FAR1: variants seen among roughly 807,000 people sequenced by gnomAD.
FAR1 encodes the protein male sterility domain-containing protein 2.
Under a neutral mutation model 61.1 loss-of-function variants are expected in FAR1, and 22 were observed. That is an observed-to-expected ratio of 0.36 (90% confidence interval 0.26 to 0.51). FAR1 has a LOEUF of 0.51. Ranked by LOEUF, FAR1 falls within the 20% of genes least tolerant of loss-of-function variation. FAR1 has a pLI of 0.95. For missense variants in FAR1, 359 were observed against 626.9 expected, an observed-to-expected ratio of 0.57 and a Z score of 4.56; for synonymous variants, 206 against 209.7, an observed-to-expected ratio of 0.98 and a Z score of 0.15.
chr11:13,670,847 A>G (rs550392269), intron 1 of FAR1, among the ~76,000 whole-genome samples: 4 of 152,250 alleles, frequency 2.6e-5, no homozygotes, highest in African/African-American at 9.6e-5. Context: ...GAGAAGAGGT[A>G]GTAGAAAAGA....
intron 3 of FAR1, among the ~76,000 whole-genome samples, chr11:13,707,124 T>C (rs1353224082): frequency 1.3e-5 from 2 of 152,214 alleles, no homozygotes; most frequent in African/African-American, 4.8e-5. Context: ...AATACTTACT[T>C]TATTGAGTCA....
At chr11:13,713,737 A>T (rs1848526131) in intron 8 of FAR1, among the ~76,000 whole-genome samples, 1 of 152,110 alleles carries the variant, frequency 6.6e-6, no homozygotes, top group Non-Finnish European at 1.5e-5. Flanking sequence ...ATTTTTTATG[A>T]CATTTGTCCT....
At chr11:13,691,943 G>A (rs1848254743) in intron 1 of FAR1, among the ~76,000 whole-genome samples, 2 of 152,116 alleles carry the variant, frequency 1.3e-5, no homozygotes, top group Admixed American at 6.5e-5. Flanking sequence ...CAAAGTGGGT[G>A]GATCACTTGA....
rs148702776 is a variant in FAR1, at chr11:13,682,875, G to A, written c.-7-11884G>A. Among the ~76,000 whole-genome samples the A allele has an allele frequency of 1.1e-4, 17 of 152,088 alleles. No individual in the cohort carries two copies. In the East Asian group the frequency reaches 3.3e-3, roughly 29 times the overall value. On this transcript the variant is annotated intron_variant, in intron 1 of 11. Transcript: ENST00000354817. The stretch of plus-strand genomic sequence containing the variant: ...AATCTGCCCACCTTGGCCTCTCACA[G>A]TGCCGGGATTACAGGCATGAGCCAC...
At position 13,728,807 on chromosome 11, in the gene FAR1, A is replaced by C. The variant is rs762067788; in HGVS notation, c.*33A>C. 6.4e-7 allele frequency: 1 copy of C among 1,565,856 alleles called. No individual in the cohort carries two copies. The highest frequency in any genetic ancestry group is 8.7e-7 in the Non-Finnish European group (1 of 1,147,634). On this transcript the variant is annotated 3_prime_UTR_variant, in exon 12 of 12. Coordinates refer to ENST00000354817, the MANE Select transcript of FAR1 (RefSeq NM_032228.6). ...GGATTCAGCATTAGAACATCTATACATATGGTGATCTAAATGTACAAAATG... is the reference window on the plus strand; with the variant it reads ...GGATTCAGCATTAGAACATCTATACCTATGGTGATCTAAATGTACAAAATG...
chr11:13,700,137 C>T (rs547679003), intron 2 of FAR1, among the ~76,000 whole-genome samples, 180 bp from the exon 3 acceptor site: 2 of 152,066 alleles, frequency 1.3e-5, no homozygotes, highest in Admixed American at 6.5e-5. Context: ...AGGATAATAG[C>T]GTGGGCCTCA....
At chr11:13,682,947 AT>A (rs1848144609) in intron 1 of FAR1, among the ~76,000 whole-genome samples, 3 of 152,070 alleles carry the variant, frequency 2.0e-5, no homozygotes, top group Admixed American at 1.3e-4. Context: ...ATTTGAAGTT[AT>A]TTTTTCTTCT....
chr11:13,709,900 G>A (rs1018405938), intron 4 of FAR1, among the ~76,000 whole-genome samples: 2 of 151,998 alleles, frequency 1.3e-5, no homozygotes, highest in African/African-American at 2.4e-5. Context: ...AGTACATAAT[G>A]TATTAGAATC....
Position 13,721,538 on chromosome 11 carries a change from T to C in FAR1, c.1128-192T>C. On this transcript the variant is annotated intron_variant, in intron 9 of 11. Transcript: ENST00000354817. This position sits in a 1 kb window ranked among gnomAD's most constrained non-coding sequence, Gnocchi z 4.2. Reference sequence around the variant, plus strand: ...TTTCAAAAAAAATTTGTTTTCCTTTTGGATTTATAAATTGTTCATCCAAGA... The same window carrying C: ...TTTCAAAAAAAATTTGTTTTCCTTTCGGATTTATAAATTGTTCATCCAAGA... The C allele has an allele frequency of 2.1e-6, 1 of 485,716 alleles. No individual in the cohort carries two copies. The highest frequency in any genetic ancestry group is 3.5e-6 in the Non-Finnish European group (1 of 283,682). 30.1% of individuals were successfully genotyped at this position (485,716 alleles called of 1,614,324 possible).
intron 3 of FAR1, among the ~76,000 whole-genome samples, chr11:13,705,453 C>T (rs1235369421): frequency 6.6e-6 from 1 of 152,056 alleles, no homozygotes; most frequent in Non-Finnish European, 1.5e-5. Flanking sequence ...CAAATTATCC[C>T]TTATTTTCGG....
intron 1 of FAR1, among the ~76,000 whole-genome samples, chr11:13,675,182 G>A (rs557497355): frequency 6.6e-6 from 1 of 151,846 alleles, no homozygotes; most frequent in African/African-American, 2.4e-5. Flanking sequence ...TACTGTTCTG[G>A]GCACGAGAAA....
At chr11:13,727,817 T>C in intron 11 of FAR1, 134 bp downstream of exon 11, 1 of 774,174 alleles carries the variant, frequency 1.3e-6, no homozygotes, top group Non-Finnish European at 2.0e-6. Flanking sequence ...ATCTCTTATA[T>C]TTGTAGTGCT....
At chr11:13,669,313 G>A (rs1253282060) in intron 1 of FAR1, 1 of 152,670 alleles carries the variant, frequency 6.6e-6, no homozygotes, top group Non-Finnish European at 1.5e-5. Context: ...TTAGAAGTAA[G>A]GATTGATAGG....
chr11:13,679,483 A>G (rs191695442), intron 1 of FAR1, among the ~76,000 whole-genome samples: 151 of 152,042 alleles, frequency 9.9e-4, no homozygotes, highest in African/African-American at 3.5e-3. Context: ...CTTTTTTGTT[A>G]TTTTGGGTGC....
At chr11:13,696,578 G>T (rs1371006218) in intron 2 of FAR1, among the ~76,000 whole-genome samples, 1 of 152,138 alleles carries the variant, frequency 6.6e-6, no homozygotes, top group Non-Finnish European at 1.5e-5. Context: ...TTGAACTTCA[G>T]TGGTTTAGCC....
chr11:13,716,737 A>G (rs1848561431), intron 9 of FAR1, among the ~76,000 whole-genome samples: 1 of 152,156 alleles, frequency 6.6e-6, no homozygotes, highest in African/African-American at 2.4e-5. Context: ...AGTGAGTCAC[A>G]AATCTTCTTA....
At position 13,724,955 on chromosome 11, in the gene FAR1, G is replaced by A. The variant is rs190323886; in HGVS notation, c.1258-2601G>A. Among the ~76,000 whole-genome samples, 4 of 152,212 alleles carry A rather than the reference G, an allele frequency of 2.6e-5. No homozygotes were observed. The East Asian group carries it at 5.8e-4, about 22-fold the overall frequency. On this transcript the variant is annotated intron_variant, in intron 10 of 11. Coordinates refer to ENST00000354817, the MANE Select transcript of FAR1 (RefSeq NM_032228.6). Reference sequence around the variant, plus strand: ...CTCAGGTAGTTCTTTGTAGGGTTGCGAGAATGGACTAATGCACCTAATCAC... The same window carrying A: ...CTCAGGTAGTTCTTTGTAGGGTTGCAAGAATGGACTAATGCACCTAATCAC...
chr11:13,722,125 C>G (rs777723242), intron 10 of FAR1, among the ~76,000 whole-genome samples: 1 of 152,038 alleles, frequency 6.6e-6, no homozygotes, highest in Non-Finnish European at 1.5e-5. Context: ...ATGTTGGTTT[C>G]AGAGAGAATT....
chr11:13,681,122 A>G (rs1848121964), intron 1 of FAR1, among the ~76,000 whole-genome samples: 1 of 152,208 alleles, frequency 6.6e-6, no homozygotes, highest in East Asian at 1.9e-4. Context: ...TGAACATGGG[A>G]AAGTTAATTG....
Sources: gnomAD v4.1 joint callset for allele counts (sites outside exome capture counted in the v4.1 genomes callset) on GRCh38, gnomAD v4.1.1 for gene constraint, Gnocchi (gnomAD v3.1) non-coding constraint, MANE v1.5 for transcripts, NCBI Gene and HGNC (gene_info 2026-07-23, HGNC 2026-07-21) for gene names.